The following ADAM12 variants were observed in gnomAD, a reference collection of about 807,000 sequenced individuals.
ADAM12 encodes disintegrin and metalloproteinase domain-containing protein 12.
A neutral mutation model predicts 106.4 loss-of-function variants in ADAM12; 70 were observed. That is an observed-to-expected ratio of 0.66 (90% CI 0.54 to 0.80). The LOEUF is 0.80. Among genes scored for constraint, ADAM12 ranks in the 30% least tolerant of loss-of-function variants. The pLI, the probability that ADAM12 is intolerant of heterozygous loss-of-function variation, is 0.00. For synonymous variants in ADAM12, 420 were observed against 433.5 expected, an observed-to-expected ratio of 0.97 and a Z score of 0.39; for missense variants, 1,010 against 1,171.9, an observed-to-expected ratio of 0.86 and a Z score of 2.02.
At chr10:126,350,753 A>G (rs145089078) in intron 1 of ADAM12, among the ~76,000 whole-genome samples, 23 of 152,304 alleles carry the variant, frequency 1.5e-4, no homozygotes, top group African/African-American at 5.5e-4. Flanking sequence ...ATCCCATTCT[A>G]CTGAGCAGGG....
At chr10:126,254,176 G>A (rs1958842541) in intron 3 of ADAM12, among the ~76,000 whole-genome samples, 1 of 152,208 alleles carries the variant, frequency 6.6e-6, no homozygotes, top group Non-Finnish European at 1.5e-5. Flanking sequence ...CAGGTTTGTA[G>A]CTTGGGGTCT....
At chr10:126,314,219 T>G (rs926073278) in intron 2 of ADAM12, among the ~76,000 whole-genome samples, 1 of 152,134 alleles carries the variant, frequency 6.6e-6, no homozygotes, top group African/African-American at 2.4e-5. Flanking sequence ...GGAAGTAAGC[T>G]TGGAGAGAGG....
chr10:126,319,775 G>A (rs924943663), intron 2 of ADAM12, among the ~76,000 whole-genome samples: 3 of 152,132 alleles, frequency 2.0e-5, no homozygotes, highest in Non-Finnish European at 4.4e-5. Context: ...TTGGTGTGAG[G>A]TACATGAGAA....
intron 11 of ADAM12, among the ~76,000 whole-genome samples, chr10:126,093,397 A>G (rs1955500838): frequency 1.3e-5 from 2 of 152,228 alleles, no homozygotes; most frequent in South Asian, 4.1e-4. Context: ...AATAAGGAAC[A>G]GCATTGTAAT....
intron 1 of ADAM12, among the ~76,000 whole-genome samples, chr10:126,387,024 GT>G: frequency 6.6e-6 from 1 of 152,330 alleles, no homozygotes; most frequent in East Asian, 1.9e-4. Flanking sequence ...GAGGGCAGCA[GT>G]GGCAATCGCA....
chr10:126,127,072 C>A (rs1956218623), intron 5 of ADAM12, among the ~76,000 whole-genome samples: 1 of 152,224 alleles, frequency 6.6e-6, no homozygotes. Flanking sequence ...GTCAAAGCTT[C>A]TTGCTGACTC....
intron 6 of ADAM12, among the ~76,000 whole-genome samples, chr10:126,114,312 C>T (rs546733345): frequency 5.3e-4 from 80 of 152,260 alleles, no homozygotes; most frequent in Admixed American, 1.3e-4. Context: ...GCCTTAAAAA[C>T]GAATGGCACA....
In ADAM12 at chr10:126,066,751, A is replaced by C. The variant is rs1213132113; in HGVS notation, c.1379T>G (p.Val460Gly). Residue 460 changes from valine (V) to glycine (G), a missense_variant, in exon 13 of 23, where the codon GTG (valine) becomes GGG (glycine). This residue lies in a region of ADAM12 where 615 missense variants were observed against 708.5 expected (regional missense o/e 0.87). Transcript: ENST00000448723. This position sits in a 1 kb window ranked among gnomAD's most constrained non-coding sequence, Gnocchi z 5.1. ...TTCACAGCACAGCCCATGTGCGCAC[A>C]CAGCGTCCGGCTTCAGGGTACAGGT... The part of the protein sequence containing the change: ...ATTCTLKPDA[V>G]CAHGLCCEDC... The C allele has an allele frequency of 3.1e-6, 5 of 1,614,204 alleles. No individual in the cohort carries two copies. The South Asian group carries it at 3.3e-5, about 11-fold the overall frequency.
chr10:126,360,501 A>C (rs1017100711), intron 1 of ADAM12, among the ~76,000 whole-genome samples: 3 of 152,164 alleles, frequency 2.0e-5, no homozygotes, highest in Admixed American at 6.5e-5. Flanking sequence ...AAGTTCCACA[A>C]ATCTCTAGGG....
intron 21 of ADAM12, among the ~76,000 whole-genome samples, chr10:126,032,038 T>C (rs1450991234): frequency 6.6e-6 from 1 of 152,140 alleles, no homozygotes; most frequent in African/African-American, 2.4e-5. Flanking sequence ...CATTCAGCTC[T>C]CCTTCATTTA....
At chr10:126,239,953 G>A (rs931646697) in intron 3 of ADAM12, among the ~76,000 whole-genome samples, 2 of 152,142 alleles carry the variant, frequency 1.3e-5, no homozygotes, top group African/African-American at 4.8e-5. Flanking sequence ...CCAATCACTG[G>A]GTGTCCACTG....
At chr10:126,308,553 C>G (rs1235893439) in intron 2 of ADAM12, among the ~76,000 whole-genome samples, 1 of 152,166 alleles carries the variant, frequency 6.6e-6, no homozygotes, top group African/African-American at 2.4e-5. Context: ...TATTGACTGA[C>G]TTAATATTGT....
rs369906152 is a variant in ADAM12 at position 126,162,023 on chromosome 10, G to A, written c.261-6718C>T. Among the ~76,000 whole-genome samples the A allele has an allele frequency of 9.9e-5, 15 of 152,278 alleles. No individual in the cohort carries two copies. In the South Asian group the frequency reaches 2.3e-3, roughly 23 times the overall value. On this transcript the variant is annotated intron_variant, in intron 3 of 22. Coordinates refer to ENST00000448723, the MANE Select transcript of ADAM12 (RefSeq NM_001288973.2). ...CCAGGAGTTGATTTTGCTATTTGCC[G>A]TTTGTTGTGGGATGACACGTGACAC... is the stretch of plus-strand genomic sequence containing the variant.
At chr10:126,177,339 C>T (rs979399358) in intron 3 of ADAM12, among the ~76,000 whole-genome samples, 3 of 151,744 alleles carry the variant, frequency 2.0e-5, no homozygotes, top group African/African-American at 4.8e-5. Context: ...ATAATGATGA[C>T]GGCCACCGTT....
At chr10:126,200,449 A>G (rs953280446) in intron 3 of ADAM12, among the ~76,000 whole-genome samples, 5 of 152,148 alleles carry the variant, frequency 3.3e-5, no homozygotes, top group African/African-American at 1.2e-4. Context: ...GAGGTTAAAA[A>G]CCAGAATTTT....
In ADAM12 at chr10:126,155,259, C is replaced by T. The variant is rs911025871; in HGVS notation, c.307G>A (p.Gly103Ser). Reference sequence around the variant, plus strand: ...TTTCGAGCGAGGGAGACATCAGTACCGTCTTGCAGATAGTGGGTTTCCGTG... The same window carrying T: ...TTTCGAGCGAGGGAGACATCAGTACTGTCTTGCAGATAGTGGGTTTCCGTG... ...SFTETHYLQD[G>S]TDVSLARNYT... Residue 103 changes from glycine (G) to serine (S), a missense_variant, in exon 4 of 23, where the codon GGT becomes AGT. By Grantham distance (56) the Gly-to-Ser change is moderately conservative (BLOSUM62 0). This residue lies in a region of ADAM12 where 391 missense variants were observed against 442.9 expected (regional missense o/e 0.88). Transcript: ENST00000448723. The T allele has an allele frequency of 2.8e-5, 45 of 1,613,990 alleles. No individual in the cohort carries two copies. Among genetic ancestry groups the T allele is most frequent in the Non-Finnish European group, 3.6e-5 (42 of 1,180,012 alleles).
intron 3 of ADAM12, among the ~76,000 whole-genome samples, chr10:126,202,424 A>T (rs951238593): frequency 1.3e-5 from 2 of 152,160 alleles, no homozygotes; most frequent in South Asian, 4.1e-4. Flanking sequence ...CGAAGTCTGA[A>T]AATCTTGCTT....
intron 3 of ADAM12, among the ~76,000 whole-genome samples, chr10:126,186,211 T>G (rs2133792987): frequency 6.6e-6 from 1 of 152,296 alleles, no homozygotes; most frequent in South Asian, 2.1e-4. Flanking sequence ...GTCACTAGGC[T>G]TACCATGTTG....
At chr10:126,289,722 C>T (rs1960059530) in intron 2 of ADAM12, among the ~76,000 whole-genome samples, 1 of 152,188 alleles carries the variant, frequency 6.6e-6, no homozygotes, top group Non-Finnish European at 1.5e-5. Context: ...GGAAATGTAG[C>T]ATTTTTCCAT....
Sources: gnomAD v4.1 joint callset for allele counts (sites outside exome capture counted in the v4.1 genomes callset) on GRCh38, gnomAD v4.1.1 for gene constraint, gnomAD v4.1.1 regional missense constraint, Gnocchi (gnomAD v3.1) non-coding constraint, MANE v1.5 for transcripts, NCBI Gene and HGNC (gene_info 2026-07-23, HGNC 2026-07-21) for gene names.